Variants in CRK observed in about 807,000 individuals in gnomAD.
The protein encoded by CRK is CRK proto-oncogene, adaptor protein.
A neutral mutation model predicts 29.8 loss-of-function variants in CRK; 4 were observed. The observed-to-expected ratio is 0.13, with a 90% CI of 0.07 to 0.31. The LOEUF (loss-of-function observed/expected upper bound fraction) is 0.31, where lower values mean the gene tolerates loss of function less well. CRK is among the 10% of genes least tolerant of loss of function. The pLI, the probability that CRK is intolerant of heterozygous loss-of-function variation, is 1.00. For missense variants in CRK, 274 were observed against 396.5 expected (o/e 0.69, Z 2.62); for synonymous variants, 153 against 164.9 (o/e 0.93, Z 0.55).
chr17:1,427,922 C>T (rs993612442), intron 2 of CRK, among the ~76,000 whole-genome samples: 8 of 151,884 alleles, frequency 5.3e-5, no homozygotes, highest in Non-Finnish European at 1.0e-4. Context: ...CATCAGCCAC[C>T]GCGCCCAGCC....
Position 1,423,455 on chromosome 17 carries a change from A to C in CRK, c.*58T>G. 6.4e-7 allele frequency: 1 copy of C among 1,559,758 alleles called. No individual in the cohort carries two copies. Among genetic ancestry groups the C allele is most frequent in the Non-Finnish European group, 8.7e-7 (1 of 1,149,988 alleles). ...TCTGTAAGAAAATTGTATAGATGGC[A>C]GTTGGAAAAAAAAAAAAAAGATTGT... On this transcript the variant is annotated 3_prime_UTR_variant, in exon 3 of 3. Coordinates refer to ENST00000300574, the MANE Select transcript of CRK (RefSeq NM_016823.4).
At chr17:1,428,342 C>T (rs2073802290) in intron 2 of CRK, among the ~76,000 whole-genome samples, 1 of 151,026 alleles carries the variant, frequency 6.6e-6, no homozygotes, top group Non-Finnish European at 1.5e-5. Context: ...TGGTCTCGAT[C>T]TCCTGACTTC....
At chr17:1,449,631 C>T (rs2074002808) in intron 1 of CRK, among the ~76,000 whole-genome samples, 1 of 152,168 alleles carries the variant, frequency 6.6e-6, no homozygotes, top group African/African-American at 2.4e-5. Flanking sequence ...ACTCTCCTAA[C>T]TCACACTCCT....
intron 1 of CRK, among the ~76,000 whole-genome samples, 172 bp from the exon 2 acceptor site, chr17:1,437,327 C>A (rs915459612): frequency 6.6e-6 from 1 of 152,078 alleles, no homozygotes; most frequent in Non-Finnish European, 1.5e-5. Flanking sequence ...GCTGGGACTA[C>A]AGGAGCCCAC....
chr17:1,455,749 C>A, intron 1 of CRK, 128 bp downstream of exon 1: 1 of 1,290,274 alleles, frequency 7.8e-7, no homozygotes, highest in Non-Finnish European at 1.0e-6. Flanking sequence ...AGCCGGCGGG[C>A]CCCTGCCACG....
At chr17:1,444,898 C>T (rs2073962769) in intron 1 of CRK, among the ~76,000 whole-genome samples, 1 of 151,572 alleles carries the variant, frequency 6.6e-6, no homozygotes, top group Non-Finnish European at 1.5e-5. Context: ...CCTGTAATCC[C>T]AGCACTCTGG....
chr17:1,423,540 T>A lies in CRK; in HGVS notation c.888A>T (p.Gln296His), dbSNP rs371718957. The A allele has an allele frequency of 1.2e-6, 2 of 1,613,998 alleles. No individual in the cohort carries two copies. Among genetic ancestry groups the A allele is most frequent in the Middle Eastern group, 1.6e-4 (1 of 6,084 alleles). Residue 296 changes from glutamine to histidine, a missense_variant, in exon 3 of 3, where the codon CAA becomes CAT. Gln to His is a conservative substitution (Grantham distance 24, BLOSUM62 0). Transcript: ENST00000300574. ...AGCTGAAGTCCTCATCGGGATTCTG[T>A]TGATCCAGCAGACGGACATGTGTGA... ...FPFTHVRLLD[Q>H]QNPDEDFS
intron 1 of CRK, among the ~76,000 whole-genome samples, chr17:1,441,878 T>C (rs747796315): frequency 3.3e-5 from 5 of 149,942 alleles, no homozygotes; most frequent in Admixed American, 2.0e-4. Context: ...TTTTCTGAGA[T>C]AGGGTCTGGC....
At chr17:1,427,316 G>A (rs1051577664) in intron 2 of CRK, among the ~76,000 whole-genome samples, 25 of 150,918 alleles carry the variant, frequency 1.7e-4, no homozygotes, top group African/African-American at 4.9e-4. Flanking sequence ...AATCTTGGCC[G>A]GGCGCGGTGG....
intron 1 of CRK, among the ~76,000 whole-genome samples, chr17:1,443,088 C>G (rs2073947835): frequency 6.6e-6 from 1 of 151,350 alleles, no homozygotes; most frequent in Admixed American, 6.6e-5. Context: ...AAGTGATTCT[C>G]TTGCCTCAGC....
At chr17:1,445,573 G>C (rs2073969083) in intron 1 of CRK, among the ~76,000 whole-genome samples, 1 of 152,236 alleles carries the variant, frequency 6.6e-6, no homozygotes, top group African/African-American at 2.4e-5. Context: ...CTTTATTGAG[G>C]AGGATCACTG....
chr17:1,441,047 T>C (rs1348108381), intron 1 of CRK, among the ~76,000 whole-genome samples: 1 of 152,120 alleles, frequency 6.6e-6, no homozygotes, highest in Non-Finnish European at 1.5e-5. Context: ...GCCATCCTCT[T>C]ACCTCAGCCT....
chr17:1,427,911 G>A (rs1213935333), intron 2 of CRK, among the ~76,000 whole-genome samples: 1 of 151,804 alleles, frequency 6.6e-6, no homozygotes, highest in Admixed American at 6.6e-5. Context: ...GGAATTACAG[G>A]CATCAGCCAC....
At chr17:1,443,792 T>C (rs1176831130) in intron 1 of CRK, among the ~76,000 whole-genome samples, 4 of 147,034 alleles carry the variant, frequency 2.7e-5, no homozygotes, top group East Asian at 2.1e-4. Flanking sequence ...CTCTGCCTCC[T>C]GGGTTCATGC....
At chr17:1,426,046 A>G (rs1402322660) in intron 2 of CRK, among the ~76,000 whole-genome samples, 1 of 151,448 alleles carries the variant, frequency 6.6e-6, no homozygotes, top group Middle Eastern at 3.2e-3. Context: ...TAAAAAGCCA[A>G]GTGTGGCCAA....
At chr17:1,455,298 G>A (rs1039003651) in intron 1 of CRK, among the ~76,000 whole-genome samples, 4 of 152,184 alleles carry the variant, frequency 2.6e-5, no homozygotes, top group African/African-American at 7.2e-5. Flanking sequence ...CGTCCTCCAC[G>A]GGGGAAGAGA....
chr17:1,454,583 G>C (rs1201633152), intron 1 of CRK, among the ~76,000 whole-genome samples: 2 of 152,256 alleles, frequency 1.3e-5, no homozygotes, highest in Middle Eastern at 3.4e-3. Context: ...TCTATTTCTG[G>C]CCGGAGCGAG....
intron 1 of CRK, among the ~76,000 whole-genome samples, chr17:1,452,685 G>T (rs2074026666): frequency 6.6e-6 from 1 of 152,066 alleles, no homozygotes; most frequent in South Asian, 2.1e-4. Flanking sequence ...AGCTACTCAG[G>T]AGGCTGAGGC....
intron 1 of CRK, among the ~76,000 whole-genome samples, chr17:1,443,804 A>T (rs1020112885): frequency 4.7e-5 from 7 of 150,068 alleles, no homozygotes; most frequent in African/African-American, 1.7e-4. Flanking sequence ...GGTTCATGCA[A>T]TTCTCCTGCC....
Sources: allele counts gnomAD v4.1 joint callset (sites outside exome capture counted in the v4.1 genomes callset), GRCh38; gene constraint gnomAD v4.1.1; transcripts MANE v1.5; gene names NCBI Gene and HGNC (gene_info 2026-07-23, HGNC 2026-07-21).